The following DGKH variants were observed in gnomAD, a reference collection of about 807,000 sequenced individuals.
The protein encoded by DGKH is diacylglycerol kinase eta, also known as DAG kinase eta.
In DGKH, 90 loss-of-function variants were observed where a neutral mutation model predicts 159.3. The ratio of observed to expected loss-of-function variants is 0.57; its 90% CI spans 0.48 to 0.67. The LOEUF (loss-of-function observed/expected upper bound fraction) is 0.67, where lower values mean the gene tolerates loss of function less well. Ranked by LOEUF, DGKH falls within the 30% of genes least tolerant of loss-of-function variation. DGKH has a pLI of 0.00. For synonymous variants in DGKH, 536 were observed against 553.8 expected, an observed-to-expected ratio of 0.97 and a Z score of 0.45; for missense variants, 1,181 against 1,506.1, an observed-to-expected ratio of 0.78 and a Z score of 3.57.
chr13:42,153,150 A>C (rs1261464500), intron 3 of DGKH, among the ~76,000 whole-genome samples: 1 of 152,216 alleles, frequency 6.6e-6, no homozygotes, highest in Non-Finnish European at 1.5e-5. Context: ...AGAAATTGCA[A>C]ATGTATACAT....
intron 3 of DGKH, among the ~76,000 whole-genome samples, chr13:42,154,527 A>G (rs1203108436): frequency 1.3e-5 from 2 of 152,158 alleles, no homozygotes; most frequent in Non-Finnish European, 2.9e-5. Context: ...TGCCTTTTTA[A>G]TAACATGAGA....
chr13:42,095,180 T>TG (rs1954500422), intron 1 of DGKH, among the ~76,000 whole-genome samples: 1 of 146,862 alleles, frequency 6.8e-6, no homozygotes, highest in Admixed American at 6.8e-5. Context: ...TTTTTTTTTT[T>TG]GAGACAGAGT....
chr13:42,189,247 T>C lies in DGKH; in HGVS notation c.1850T>C (p.Ile617Thr). ...CAGAAAGCCGTCAAACCAAGGGAAA[T>C]CATGTTGCGGGCAAATAGTTTAAAG... ...SSQKAVKPRE[I>T]MLRANSLKKA... The change falls in exon 15 of 30, where the codon ATC becomes ACC. Residue 617 changes from isoleucine (I) to threonine (T), a missense_variant. This residue lies in a region of DGKH where 257 missense variants were observed against 281.5 expected (regional missense o/e 0.91). Transcript: ENST00000337343. The C allele has an allele frequency of 6.2e-7, 1 of 1,614,184 alleles. No individual in the cohort carries two copies. Among genetic ancestry groups the C allele is most frequent in the Non-Finnish European group, 8.5e-7 (1 of 1,180,026 alleles).
At chr13:42,151,613 A>ACACCCC (rs1555266645) in intron 3 of DGKH, among the ~76,000 whole-genome samples, 5 of 111,978 alleles carry the variant, frequency 4.5e-5, no homozygotes, top group East Asian at 4.6e-4. Context: ...ACACACACAC[A>ACACCCC]CCCCATGGAA....
chr13:42,069,656 T>G (rs1593981605), intron 1 of DGKH: 8 of 1,288,504 alleles, frequency 6.2e-6, no homozygotes, highest in Non-Finnish European at 7.6e-6. Flanking sequence ...CTTTGTTCTT[T>G]CCAATTGGAA....
In DGKH at chr13:42,253,822, T is replaced by C. The variant is rs980038470; in HGVS notation, n.4127+1341T>C. ...GGTGGTACAAATCTGCACCGTTCAATATGGTAGCCACTGGCTACATGTGTC... is the reference window on the plus strand; with the variant it reads ...GGTGGTACAAATCTGCACCGTTCAACATGGTAGCCACTGGCTACATGTGTC... On this transcript the variant is annotated intron_variant and non_coding_transcript_variant, in intron 30 of 30. Coordinates refer to the DGKH transcript ENST00000498255. Among the ~76,000 whole-genome samples, 8 of 152,346 alleles carry C rather than the reference T, an allele frequency of 5.3e-5. No individual in the cohort carries two copies. The East Asian group carries it at 1.5e-3, about 29-fold the overall frequency.
At chr13:42,253,939 C>T (rs1026572723) in intron 30 of DGKH, among the ~76,000 whole-genome samples, 10 of 149,630 alleles carry the variant, frequency 6.7e-5, no homozygotes, top group Non-Finnish European at 1.5e-4. Context: ...AAAATGCCCC[C>T]ATAATAATGT....
At chr13:42,129,475 T>C (rs1251291325) in intron 2 of DGKH, 77 bp from the exon 3 acceptor site, 1 of 1,211,338 alleles carries the variant, frequency 8.3e-7, no homozygotes, top group Non-Finnish European at 1.2e-6. Flanking sequence ...TCCTAATTCC[T>C]GTATTGAAAA....
At chr13:42,106,497 A>G (rs891766079) in intron 1 of DGKH, among the ~76,000 whole-genome samples, 1 of 152,248 alleles carries the variant, frequency 6.6e-6, no homozygotes, top group Non-Finnish European at 1.5e-5. Context: ...TCCAGGACGT[A>G]GGAAAAGAAA....
intron 1 of DGKH, among the ~76,000 whole-genome samples, chr13:42,062,247 C>G (rs1018427608): frequency 5.9e-5 from 9 of 152,190 alleles, no homozygotes; most frequent in Admixed American, 5.9e-4. Context: ...CCAAGTGTTA[C>G]AGGTATCTCC....
At chr13:42,181,718 GC>G in intron 13 of DGKH, 1 of 720,764 alleles carries the variant, frequency 1.4e-6, no homozygotes. Context: ...CCACAGCAGG[GC>G]CCACAGCCAC....
At chr13:42,047,854 T>C (rs919583528), upstream of DGKH, among the ~76,000 whole-genome samples, 1 of 152,242 alleles carries the variant, frequency 6.6e-6, no homozygotes, top group Non-Finnish European at 1.5e-5. Flanking sequence ...AGACACTTCT[T>C]GTGCGTTCTG....
chr13:42,054,919 T>C (rs995540274), intron 1 of DGKH, among the ~76,000 whole-genome samples: 2 of 152,236 alleles, frequency 1.3e-5, no homozygotes, highest in African/African-American at 2.4e-5. Context: ...TACTTTGTCA[T>C]TGTAGCATAA....
intron 1 of DGKH, among the ~76,000 whole-genome samples, chr13:42,112,621 C>T (rs1474096103): frequency 3.3e-5 from 5 of 152,236 alleles, no homozygotes; most frequent in Non-Finnish European, 7.3e-5. Context: ...ACAACTACTC[C>T]TGGTGGCAGT....
intron 1 of DGKH, among the ~76,000 whole-genome samples, chr13:42,103,527 C>A (rs1594031350): frequency 6.6e-6 from 1 of 152,278 alleles, no homozygotes; most frequent in East Asian, 1.9e-4. Context: ...CGCATGAGTG[C>A]TATCCTTAGC....
intron 1 of DGKH, among the ~76,000 whole-genome samples, chr13:42,094,771 C>G (rs1278742607): frequency 6.6e-6 from 1 of 152,116 alleles, no homozygotes; most frequent in African/African-American, 2.4e-5. Context: ...TCCACAGTCT[C>G]AAAAAGAGTG....
At chr13:42,135,533 AT>A (rs1255149533) in intron 3 of DGKH, among the ~76,000 whole-genome samples, 1 of 150,518 alleles carries the variant, frequency 6.6e-6, no homozygotes, top group African/African-American at 2.4e-5. Flanking sequence ...AAGAAAAAAA[AT>A]AATAATTTAT....
At chr13:42,091,233 A>T (rs1820505534) in intron 1 of DGKH, among the ~76,000 whole-genome samples, 1 of 152,228 alleles carries the variant, frequency 6.6e-6, no homozygotes, top group Admixed American at 6.5e-5. Flanking sequence ...GAAAAGCTTC[A>T]TGAAGAGTTT....
intron 7 of DGKH, among the ~76,000 whole-genome samples, chr13:42,162,040 C>T (rs1956195114): frequency 6.6e-6 from 1 of 152,072 alleles, no homozygotes; most frequent in South Asian, 2.1e-4. Context: ...GGGAGGATGC[C>T]TTTTCTCTCG....
Sources: allele counts gnomAD v4.1 joint callset (sites outside exome capture counted in the v4.1 genomes callset), GRCh38; gene constraint gnomAD v4.1.1; regional missense constraint gnomAD v4.1.1; transcripts MANE v1.5; gene names NCBI Gene and HGNC (gene_info 2026-07-23, HGNC 2026-07-21).